Variants in JAM2 observed in about 807,000 individuals in gnomAD.
JAM2 encodes the protein junctional adhesion molecule B.
A neutral mutation model predicts 42.0 loss-of-function variants in JAM2; 17 were observed. The observed-to-expected ratio is 0.40, with a 90% CI of 0.28 to 0.61. The LOEUF (loss-of-function observed/expected upper bound fraction) is 0.61. Ranked by LOEUF, JAM2 falls within the 20% of genes least tolerant of loss-of-function variation. The pLI, the probability that JAM2 is intolerant of heterozygous loss-of-function variation, is 0.37. For synonymous variants in JAM2, 118 were observed against 128.6 expected (o/e 0.92, Z 0.56); for missense variants, 319 against 358.3 (o/e 0.89, Z 0.89).
intron 1 of JAM2, among the ~76,000 whole-genome samples, chr21:25,656,610 T>C (rs1443739210): frequency 6.6e-6 from 1 of 152,218 alleles, no homozygotes. Flanking sequence ...ACTGTCATTG[T>C]AGCCATTTGT....
At chr21:25,712,960 A>G in intron 9 of JAM2, among the ~76,000 whole-genome samples, 1 of 152,214 alleles carries the variant, frequency 6.6e-6, no homozygotes, top group Non-Finnish European at 1.5e-5. Flanking sequence ...GAAGTCCACA[A>G]TCAAGGCACC....
rs184927780 is a variant in JAM2 at position 25,702,198 on chromosome 21, C to G, written c.626C>G (p.Thr209Ser). The change falls in exon 6 of 10, where the codon ACT becomes AGT. Residue 209 changes from threonine (T) to serine (S), a missense_variant. Physicochemically the swap from Thr to Ser is moderately conservative, Grantham distance 58. Transcript: ENST00000480456. ...LQFNTVSKLD[T>S]GEYSCEARNS... ...TTTAATACTGTTTCCAAACTGGACACTGGAGAATATTCCTGTGAAGCCCGC... is the reference window on the plus strand; with the variant it reads ...TTTAATACTGTTTCCAAACTGGACAGTGGAGAATATTCCTGTGAAGCCCGC... The G allele has an allele frequency of 1.0e-4, 163 of 1,590,912 alleles. 1 individual carries two copies. In the African/African-American group the frequency reaches 2.1e-3, roughly 20 times the overall value.
rs1458427612 is a variant in JAM2, at chr21:25,689,945, C to A, written c.213C>A (p.Ser71=). The A allele has an allele frequency of 4.3e-6, 7 of 1,612,152 alleles. No individual in the cohort carries two copies. In the South Asian group the frequency reaches 7.7e-5, roughly 18 times the overall value. Residue 71 remains serine, a synonymous_variant, in exon 3 of 10, where the codon TCC becomes TCA. Transcript: ENST00000480456. The part of the protein sequence containing the change: ...LEWKKLGRSV[S]FVYYQQTLQG... Reference sequence around the variant, plus strand: ...GGAAGAAACTGGGTCGGAGTGTCTCCTTTGTCTACTATCAACAGACTCTTC... The same window carrying A: ...GGAAGAAACTGGGTCGGAGTGTCTCATTTGTCTACTATCAACAGACTCTTC...
intron 8 of JAM2, chr21:25,712,055 G>A: frequency 6.8e-6 from 2 of 295,360 alleles, no homozygotes; most frequent in South Asian, 1.0e-4. Context: ...TTAAAAGTTA[G>A]TAAGTCTCTG....
intron 1 of JAM2, among the ~76,000 whole-genome samples, chr21:25,679,619 T>C (rs981038399): frequency 6.6e-6 from 1 of 152,238 alleles, no homozygotes; most frequent in Non-Finnish European, 1.5e-5. Flanking sequence ...ATATCACTAG[T>C]GTCAAGATGA....
In JAM2 at chr21:25,702,262, G is replaced by T. The variant is rs145881376; in HGVS notation, c.690G>T (p.Met230Ile). Residue 230 changes from methionine (M) to isoleucine (I), a missense_variant, in exon 6 of 10, where the codon ATG becomes ATT. Met to Ile is a conservative substitution (Grantham distance 10, BLOSUM62 1). Transcript: ENST00000480456. ...ATCGCAGGTGTCCTGGGAAACGAATGCAAGTAGGTAAGCATGAAATATTGG... is the reference window on the plus strand; with the variant it reads ...ATCGCAGGTGTCCTGGGAAACGAATTCAAGTAGGTAAGCATGAAATATTGG... ...VGYRRCPGKR[M>I]QVDDLNISGI... The T allele has an allele frequency of 6.3e-7, 1 of 1,588,908 alleles. No homozygotes were observed. Among genetic ancestry groups the T allele is most frequent in the South Asian group, 1.1e-5 (1 of 88,504 alleles).
intron 2 of JAM2, among the ~76,000 whole-genome samples, chr21:25,688,165 A>G (rs1437944561): frequency 4.6e-5 from 7 of 152,148 alleles, no homozygotes; most frequent in Non-Finnish European, 8.8e-5. Context: ...AATTATTGCT[A>G]TATTTTCTAG....
intron 6 of JAM2, among the ~76,000 whole-genome samples, chr21:25,703,768 CA>C (rs61230573): frequency 4.9e-5 from 7 of 141,986 alleles, no homozygotes; most frequent in East Asian, 2.0e-4. Flanking sequence ...ACTTTTTTTT[CA>C]AAAAAAAAAA....
In JAM2 at chr21:25,717,554, AT is replaced by A. The variant is rs2034500306; in HGVS notation, c.*2883del. 1 of 1,379,384 alleles carries A rather than the reference AT, an allele frequency of 7.2e-7. No homozygotes were observed. The highest frequency in any genetic ancestry group is 3.1e-5 in the Admixed American group (1 of 32,302). 85.4% of individuals were successfully genotyped at this position (1,379,384 alleles called of 1,614,324 possible). On this transcript the variant is annotated 3_prime_UTR_variant, in exon 10 of 10. Transcript: ENST00000480456. Reference sequence around the variant, plus strand: ...CTTTGTTCGATTAAAGTCTACACTAATAAAAATAGCTGAACTTGTTAAACTT... The same window carrying A: ...CTTTGTTCGATTAAAGTCTACACTAAAAAAATAGCTGAACTTGTTAAACTT...
intron 2 of JAM2, among the ~76,000 whole-genome samples, chr21:25,684,809 G>C (rs1225083633): frequency 1.3e-5 from 2 of 152,092 alleles, no homozygotes; most frequent in African/African-American, 4.8e-5. Context: ...CATTGCCCAA[G>C]CTGGTCTTGT....
At chr21:25,669,279 G>T (rs1459691146) in intron 1 of JAM2, among the ~76,000 whole-genome samples, 1 of 151,974 alleles carries the variant, frequency 6.6e-6, no homozygotes, top group East Asian at 1.9e-4. Flanking sequence ...GGCTGAGGTG[G>T]GGGATCACCT....
chr21:25,646,560 C>T (rs1277731980), intron 1 of JAM2, among the ~76,000 whole-genome samples: 2 of 149,138 alleles, frequency 1.3e-5, no homozygotes, highest in Admixed American at 6.7e-5. Flanking sequence ...ATGCATGCAT[C>T]GGGTGTGGGG....
intron 1 of JAM2, among the ~76,000 whole-genome samples, chr21:25,656,336 A>G (rs2032939548): frequency 6.6e-6 from 1 of 152,232 alleles, no homozygotes; most frequent in Admixed American, 6.5e-5. Flanking sequence ...CATTTGACAC[A>G]TCAACTCAAG....
intron 9 of JAM2, among the ~76,000 whole-genome samples, chr21:25,713,072 T>C (rs1230063156): frequency 6.6e-6 from 1 of 152,146 alleles, no homozygotes. Flanking sequence ...TCTGGCCTCT[T>C]TGGTACGGGC....
At chr21:25,713,136 C>T (rs895073579) in intron 9 of JAM2, among the ~76,000 whole-genome samples, 11 of 152,136 alleles carry the variant, frequency 7.2e-5, no homozygotes, top group Admixed American at 6.5e-4. Flanking sequence ...CTCCTAAAGG[C>T]CCCACCTCTT....
At chr21:25,653,919 T>C (rs950822996) in intron 1 of JAM2, among the ~76,000 whole-genome samples, 1 of 152,222 alleles carries the variant, frequency 6.6e-6, no homozygotes, top group African/African-American at 2.4e-5. Flanking sequence ...CTGAATGCAA[T>C]TGATTTAAAT....
chr21:25,713,673 ATT>A (rs1388778799), intron 9 of JAM2, among the ~76,000 whole-genome samples: 1 of 152,158 alleles, frequency 6.6e-6, no homozygotes, highest in Non-Finnish European at 1.5e-5. Flanking sequence ...AATTCACCTT[ATT>A]TTGTGGTTTA....
chr21:25,671,030 C>T lies in JAM2; in HGVS notation c.68-12853C>T, dbSNP rs557250341. On this transcript the variant is annotated intron_variant, in intron 1 of 9. Coordinates refer to ENST00000480456, the MANE Select transcript of JAM2 (RefSeq NM_021219.4). Reference sequence around the variant, plus strand: ...ATGTAAGGGCCAAGATTTTATGAGTCATCTTCCAGCAGGAAAGTTGAAAAA... The same window carrying T: ...ATGTAAGGGCCAAGATTTTATGAGTTATCTTCCAGCAGGAAAGTTGAAAAA... Among the ~76,000 whole-genome samples, 10 of 152,328 alleles carry T rather than the reference C, an allele frequency of 6.6e-5. No homozygotes were observed. In the East Asian group the frequency reaches 1.7e-3, roughly 26 times the overall value.
intron 1 of JAM2, among the ~76,000 whole-genome samples, chr21:25,667,840 T>C (rs1346831675): frequency 4.6e-5 from 7 of 152,116 alleles, no homozygotes. Context: ...TAAACACATA[T>C]ATAATGCATT....
Sources: allele counts gnomAD v4.1 joint callset (sites outside exome capture counted in the v4.1 genomes callset), GRCh38; gene constraint gnomAD v4.1.1; transcripts MANE v1.5; gene names NCBI Gene and HGNC (gene_info 2026-07-23, HGNC 2026-07-21).